USP34: variants seen among roughly 807,000 people sequenced by gnomAD.
The protein encoded by USP34 is ubiquitin carboxyl-terminal hydrolase 34.
USP34 carries 70 observed loss-of-function variants against 460.3 expected under a neutral mutation model. The ratio of observed to expected loss-of-function variants is 0.15; its 90% confidence interval spans 0.13 to 0.19. The LOEUF is 0.19. Among genes scored for constraint, USP34 ranks in the 10% least tolerant of loss-of-function variants. The pLI, the probability that USP34 is intolerant of heterozygous loss-of-function variation, is 1.00. For synonymous variants in USP34, 1,647 were observed against 1,405.3 expected, an observed-to-expected ratio of 1.17 and a Z score of -3.85; for missense variants, 3,985 against 4,236.2, an observed-to-expected ratio of 0.94 and a Z score of 1.65.
intron 20 of USP34, among the ~76,000 whole-genome samples, chr2:61,325,879 T>C (rs1323888468): frequency 6.6e-6 from 1 of 152,216 alleles, no homozygotes; most frequent in Non-Finnish European, 1.5e-5. Flanking sequence ...AATAAAATAA[T>C]ATTTCCATAA....
chr2:61,310,632 T>A (rs1424118445), intron 27 of USP34, among the ~76,000 whole-genome samples: 1 of 150,480 alleles, frequency 6.6e-6, no homozygotes, highest in African/African-American at 2.4e-5. Flanking sequence ...AAATATCAGA[T>A]ATATACCTAT....
intron 44 of USP34, among the ~76,000 whole-genome samples, 154 bp downstream of exon 44, chr2:61,259,557 T>A (rs1688816524): frequency 2.0e-5 from 3 of 151,412 alleles, no homozygotes. Flanking sequence ...CTGGCTTATT[T>A]TTTTTTTTAG....
chr2:61,283,517 A>C, intron 35 of USP34, 68 bp from the exon 36 acceptor site: 1 of 1,524,622 alleles, frequency 6.6e-7, no homozygotes, highest in Non-Finnish European at 8.9e-7. Flanking sequence ...TCAATTTATT[A>C]ACATATATCC....
intron 30 of USP34, among the ~76,000 whole-genome samples, chr2:61,296,062 C>A (rs958395422): frequency 6.6e-6 from 1 of 152,074 alleles, no homozygotes; most frequent in African/African-American, 2.4e-5. Flanking sequence ...AGTTATAGAT[C>A]AACTTGGCCA....
At chr2:61,198,413 A>G (rs559955895) in intron 75 of USP34, among the ~76,000 whole-genome samples, 1 of 152,306 alleles carries the variant, frequency 6.6e-6, no homozygotes, top group East Asian at 1.9e-4. Context: ...TTTACCCATT[A>G]CAACCAAAGT....
At chr2:61,438,186 G>C (rs902742976) in intron 1 of USP34, among the ~76,000 whole-genome samples, 2 of 152,050 alleles carry the variant, frequency 1.3e-5, no homozygotes, top group African/African-American at 4.8e-5. Flanking sequence ...AGGAATACAA[G>C]GATAATTTAA....
At chr2:61,263,106 T>C (rs1032566408) in intron 43 of USP34, among the ~76,000 whole-genome samples, 1 of 151,462 alleles carries the variant, frequency 6.6e-6, no homozygotes, top group Non-Finnish European at 1.5e-5. Flanking sequence ...CCTCCCAGGT[T>C]CAAGCGATTC....
At chr2:61,239,625 A>G (rs7560620) in intron 53 of USP34, among the ~76,000 whole-genome samples, 4,447 of 152,314 alleles carry the variant, frequency 0.029, 226 homozygotes, top group African/African-American at 0.1. Context: ...GCCATTTATA[A>G]TGAATACCAT....
chr2:61,445,163 C>T (rs1248277142), intron 1 of USP34, among the ~76,000 whole-genome samples: 1 of 135,482 alleles, frequency 7.4e-6, no homozygotes, highest in Non-Finnish European at 1.5e-5. Context: ...CAGAACCACA[C>T]TAAACACACA....
intron 27 of USP34, among the ~76,000 whole-genome samples, chr2:61,311,049 A>G (rs1397365507): frequency 6.6e-6 from 1 of 152,204 alleles, no homozygotes; most frequent in Non-Finnish European, 1.5e-5. Context: ...GAAGGGAGCC[A>G]TGAACATGGA....
At position 61,187,977 on chromosome 2, in the gene USP34, C is replaced by CT; in HGVS notation, c.*124dup. ...CTGACCAAGAATTAAGCCTATAAAT[C>CT]TATCTTGCCATTCAAGCAGAGAGCA... is the stretch of plus-strand genomic sequence containing the variant. On this transcript the variant is annotated 3_prime_UTR_variant, in exon 80 of 80. Coordinates refer to ENST00000398571, the MANE Select transcript of USP34 (RefSeq NM_014709.4). 1.4e-6 allele frequency: 2 copies of CT among 1,460,340 alleles called. No homozygotes were observed. Among genetic ancestry groups the CT allele is most frequent in the Non-Finnish European group, 1.8e-6 (2 of 1,106,152 alleles). 90.5% of individuals were successfully genotyped at this position (1,460,340 alleles called of 1,614,324 possible).
At chr2:61,448,811 G>C (rs1695190120) in intron 1 of USP34, among the ~76,000 whole-genome samples, 1 of 152,050 alleles carries the variant, frequency 6.6e-6, no homozygotes, top group Non-Finnish European at 1.5e-5. Context: ...AATAGCATCA[G>C]AAAGAATAAG....
chr2:61,355,053 C>T (rs897651008), intron 10 of USP34, among the ~76,000 whole-genome samples: 1 of 152,224 alleles, frequency 6.6e-6, no homozygotes, highest in African/African-American at 2.4e-5. Context: ...AAAGGGACAG[C>T]AGCAATGAAT....
rs1197891337 is a variant in USP34 at position 61,206,788 on chromosome 2, C to T, written c.9018G>A (p.Lys3006=). 2 of 1,613,584 alleles carry T rather than the reference C, an allele frequency of 1.2e-6. No individual in the cohort carries two copies. Among genetic ancestry groups the T allele is most frequent in the Admixed American group, 1.7e-5 (1 of 59,962 alleles). Residue 3006 remains lysine, a synonymous_variant, in exon 71 of 80, where the codon AAG becomes AAA. Transcript: ENST00000398571. ...ELLSIFLSVL[K]STRPYLQRKD... Reference sequence around the variant, plus strand: ...TTCTCTGAAGATAAGGGCGTGTAGACTTCAAAACCGAAAGAAATATTGACA... The same window carrying T: ...TTCTCTGAAGATAAGGGCGTGTAGATTTCAAAACCGAAAGAAATATTGACA...
At chr2:61,248,206 AC>A (rs1322128022) in intron 49 of USP34, among the ~76,000 whole-genome samples, 83 of 140,170 alleles carry the variant, frequency 5.9e-4, no homozygotes, top group South Asian at 1.4e-3. Flanking sequence ...AAAAAAAAAA[AC>A]CCCCACAAAA....
chr2:61,339,279 A>C (rs990117226), intron 18 of USP34, 72 bp downstream of exon 18: 8 of 1,442,214 alleles, frequency 5.5e-6, no homozygotes, highest in Admixed American at 4.2e-5. Context: ...CATCACACCT[A>C]GTCAACAAGA....
At chr2:61,331,434 A>G in intron 19 of USP34, 63 bp from the exon 20 acceptor site, 2 of 1,305,624 alleles carry the variant, frequency 1.5e-6, no homozygotes, top group South Asian at 1.7e-5. Context: ...AATCTATGCT[A>G]TGACAGTAAA....
chr2:61,387,928 T>TATACACACAC (rs1553381118), intron 5 of USP34, among the ~76,000 whole-genome samples: 85 of 142,652 alleles, frequency 6.0e-4, no homozygotes, highest in Non-Finnish European at 1.0e-3. Context: ...AATATATTTA[T>TATACACACAC]ACACACACAC....
At chr2:61,380,118 A>T in intron 7 of USP34, 51 bp downstream of exon 7, 1 of 1,536,316 alleles carries the variant, frequency 6.5e-7, no homozygotes, top group Non-Finnish European at 8.9e-7. Context: ...GTATTATGAT[A>T]GACCAGAAAA....
Sources: allele counts gnomAD v4.1 joint callset (sites outside exome capture counted in the v4.1 genomes callset), GRCh38; gene constraint gnomAD v4.1.1; transcripts MANE v1.5; gene names NCBI Gene and HGNC (gene_info 2026-07-23, HGNC 2026-07-21).